GRK3: variants seen among roughly 807,000 people sequenced by gnomAD.
GRK3 encodes the protein G protein-coupled receptor kinase 3, also known as adrenergic, beta, receptor kinase 2.
GRK3 carries 54 observed loss-of-function variants against 95.7 expected under a neutral mutation model. That is an observed-to-expected ratio of 0.56 (90% confidence interval 0.45 to 0.71). The LOEUF (loss-of-function observed/expected upper bound fraction) is 0.71. Ranked by LOEUF, GRK3 falls within the 30% of genes least tolerant of loss-of-function variation. GRK3 has a pLI of 0.00. For missense variants in GRK3, 649 were observed against 851.2 expected (o/e 0.76, Z 2.96); for synonymous variants, 281 against 290.8 (o/e 0.97, Z 0.34).
intron 5 of GRK3, among the ~76,000 whole-genome samples, chr22:25,665,447 A>T (rs756685658): frequency 8.5e-5 from 13 of 152,198 alleles, no homozygotes; most frequent in Non-Finnish European, 1.6e-4. Flanking sequence ...ATTGAAAAAA[A>T]ATTGTTCCAG....
intron 15 of GRK3, among the ~76,000 whole-genome samples, chr22:25,708,846 G>C (rs936863437): frequency 3.3e-5 from 5 of 149,770 alleles, no homozygotes; most frequent in Middle Eastern, 3.5e-3. Context: ...TATTTTAGTC[G>C]AGACAGGGTT....
chr22:25,620,503 C>T (rs574483590), intron 2 of GRK3, among the ~76,000 whole-genome samples: 1 of 152,294 alleles, frequency 6.6e-6, no homozygotes, highest in South Asian at 2.1e-4. Flanking sequence ...AGAGCAGGGG[C>T]TTTACAAGAA....
At chr22:25,640,048 T>G (rs2084731687) in intron 2 of GRK3, among the ~76,000 whole-genome samples, 1 of 152,198 alleles carries the variant, frequency 6.6e-6, no homozygotes, top group African/African-American at 2.4e-5. Context: ...TTACATATTC[T>G]AGTAGTTACT....
intron 13 of GRK3, among the ~76,000 whole-genome samples, chr22:25,699,851 A>C (rs2085243755): frequency 6.6e-6 from 1 of 151,844 alleles, no homozygotes; most frequent in Non-Finnish European, 1.5e-5. Context: ...GGCGCCCGCC[A>C]CCACGCCCAG....
chr22:25,714,296 A>T, intron 17 of GRK3, 112 bp from the exon 18 acceptor site: 1 of 819,376 alleles, frequency 1.2e-6, no homozygotes, highest in Non-Finnish European at 1.9e-6. Context: ...GCTGCCATCT[A>T]GTCATCTTCC....
intron 6 of GRK3, among the ~76,000 whole-genome samples, chr22:25,668,277 C>T (rs1373278014): frequency 6.6e-6 from 1 of 152,196 alleles, no homozygotes; most frequent in Non-Finnish European, 1.5e-5. Flanking sequence ...CTTGGTTACT[C>T]AAACTATAGA....
intron 6 of GRK3, among the ~76,000 whole-genome samples, chr22:25,671,535 A>G (rs2084983266): frequency 6.6e-6 from 1 of 152,148 alleles, no homozygotes; most frequent in Non-Finnish European, 1.5e-5. Flanking sequence ...TTAGGATTCT[A>G]GTCTGAGGGT....
At chr22:25,721,199 C>A in intron 19 of GRK3, 85 bp from the exon 20 acceptor site, 2 of 630,762 alleles carry the variant, frequency 3.2e-6, no homozygotes, top group Non-Finnish European at 5.4e-6. Flanking sequence ...TCTTTTTTTA[C>A]TTGTTCTAAC....
intron 1 of GRK3, 133 bp downstream of exon 1, chr22:25,565,286 G>A: frequency 2.3e-6 from 1 of 434,842 alleles, no homozygotes; most frequent in East Asian, 4.3e-5. Context: ...AGCGGGCGAT[G>A]CGGGGCCGGC....
At chr22:25,581,272 T>C (rs899989234) in intron 1 of GRK3, 3 of 152,200 alleles carry the variant, frequency 2.0e-5, no homozygotes, top group African/African-American at 7.2e-5. Flanking sequence ...CAATAATTTT[T>C]CAAAACAGTA....
intron 1 of GRK3, among the ~76,000 whole-genome samples, chr22:25,569,453 G>A (rs1166810869): frequency 2.0e-5 from 3 of 152,162 alleles, no homozygotes; most frequent in Non-Finnish European, 4.4e-5. Context: ...GCTTCGAATC[G>A]AGAGCCTCAT....
chr22:25,713,225 C>T (rs1229436949), intron 17 of GRK3, among the ~76,000 whole-genome samples: 3 of 152,084 alleles, frequency 2.0e-5, no homozygotes, highest in South Asian at 4.1e-4. Flanking sequence ...AGGTGCTCAT[C>T]GGACCTTGAG....
chr22:25,612,433 A>G (rs1456130931), intron 2 of GRK3, among the ~76,000 whole-genome samples: 2 of 151,992 alleles, frequency 1.3e-5, no homozygotes, highest in African/African-American at 4.8e-5. Context: ...AAATAGAATG[A>G]GTTTTTTTGT....
chr22:25,670,881 C>CAAA (rs71191074), intron 6 of GRK3, among the ~76,000 whole-genome samples: 864 of 65,636 alleles, frequency 0.013, 24 homozygotes, highest in African/African-American at 0.039. Context: ...ACTAAAAATA[C>CAAA]AAAAAAAAAA....
intron 3 of GRK3, among the ~76,000 whole-genome samples, chr22:25,649,744 T>G (rs1311635220): frequency 1.3e-5 from 2 of 152,222 alleles, no homozygotes; most frequent in Non-Finnish European, 2.9e-5. Context: ...TAGGCAATCT[T>G]AATATATGCC....
chr22:25,600,674 A>G (rs1183234607), intron 1 of GRK3, among the ~76,000 whole-genome samples: 6 of 152,202 alleles, frequency 3.9e-5, no homozygotes, highest in Non-Finnish European at 8.8e-5. Context: ...CATTTTATAT[A>G]AGGGACTTGA....
chr22:25,586,483 ATATC>A (rs1394836093), intron 1 of GRK3, among the ~76,000 whole-genome samples: 1 of 152,296 alleles, frequency 6.6e-6, no homozygotes, highest in Non-Finnish European at 1.5e-5. Flanking sequence ...CCCCGTAAAT[ATATC>A]TACCTACTGT....
chr22:25,708,043 C>A (rs1230172334), intron 15 of GRK3, among the ~76,000 whole-genome samples: 1 of 152,048 alleles, frequency 6.6e-6, no homozygotes, highest in Non-Finnish European at 1.5e-5. Context: ...TGCGACCAGC[C>A]TGACCAACAT....
chr22:25,640,066 A>G (rs1424148087), intron 2 of GRK3, among the ~76,000 whole-genome samples: 4 of 152,196 alleles, frequency 2.6e-5, no homozygotes, highest in Non-Finnish European at 5.9e-5. Context: ...ACTTATAGAT[A>G]GGATTTGCCA....
Sources: gnomAD v4.1 joint callset for allele counts (sites outside exome capture counted in the v4.1 genomes callset) on GRCh38, gnomAD v4.1.1 for gene constraint, MANE v1.5 for transcripts, NCBI Gene and HGNC (gene_info 2026-07-23, HGNC 2026-07-21) for gene names.